Variants in XKR4 observed in about 807,000 individuals in gnomAD.
The protein encoded by XKR4 is XK-related protein 4.
Under a neutral mutation model 53.9 loss-of-function variants are expected in XKR4, and 12 were observed. The ratio of observed to expected loss-of-function variants is 0.22; its 90% CI spans 0.14 to 0.36. The LOEUF (loss-of-function observed/expected upper bound fraction) is 0.36, where lower values mean the gene tolerates loss of function less well. XKR4 is among the 10% of genes least tolerant of loss of function. The pLI is 1.00. For synonymous variants in XKR4, 354 were observed against 362.4 expected, an observed-to-expected ratio of 0.98 and a Z score of 0.26; for missense variants, 799 against 859.5, an observed-to-expected ratio of 0.93 and a Z score of 0.88.
At chr8:55,207,296 C>T (rs1000670535) in intron 1 of XKR4, among the ~76,000 whole-genome samples, 2 of 152,176 alleles carry the variant, frequency 1.3e-5, no homozygotes, top group South Asian at 4.1e-4. Context: ...GTTCCTCCCA[C>T]AGTGGGACAT....
At chr8:55,314,603 A>G (rs1819437082) in intron 1 of XKR4, among the ~76,000 whole-genome samples, 1 of 152,208 alleles carries the variant, frequency 6.6e-6, no homozygotes, top group Non-Finnish European at 1.5e-5. Flanking sequence ...AAGGAGAAAT[A>G]CTTTTCTTTA....
At chr8:55,357,483 G>A (rs1382176040) in intron 1 of XKR4, among the ~76,000 whole-genome samples, 195 bp from the exon 2 acceptor site, 1 of 152,160 alleles carries the variant, frequency 6.6e-6, no homozygotes, top group Admixed American at 6.6e-5. Flanking sequence ...AAATTGCAGT[G>A]ACTTCTCAAA....
chr8:55,125,111 A>G (rs146329867), intron 1 of XKR4, among the ~76,000 whole-genome samples: 263 of 152,386 alleles, frequency 1.7e-3, no homozygotes, highest in African/African-American at 5.9e-3. Flanking sequence ...GGTAGAAGTA[A>G]GTATAACAGA....
At chr8:55,160,211 G>A (rs1031403217) in intron 1 of XKR4, among the ~76,000 whole-genome samples, 2 of 152,200 alleles carry the variant, frequency 1.3e-5, no homozygotes, top group Admixed American at 1.3e-4. Flanking sequence ...TCAGCTCATG[G>A]GTGCAGCCCT....
At chr8:55,158,492 C>T (rs1377495638) in intron 1 of XKR4, among the ~76,000 whole-genome samples, 26 of 152,080 alleles carry the variant, frequency 1.7e-4, no homozygotes, top group Non-Finnish European at 1.9e-4. Flanking sequence ...TGCAGAAGCT[C>T]GTTAGTTTAA....
chr8:55,253,100 CTT>C (rs1818383126), intron 1 of XKR4, among the ~76,000 whole-genome samples: 1 of 152,146 alleles, frequency 6.6e-6, no homozygotes, highest in South Asian at 2.1e-4. Context: ...ATTTTACCTG[CTT>C]TGTTGAAGAG....
intron 1 of XKR4, among the ~76,000 whole-genome samples, chr8:55,245,239 C>T (rs1818269517): frequency 6.6e-6 from 1 of 151,914 alleles, no homozygotes; most frequent in South Asian, 2.1e-4. Flanking sequence ...TTGTTTTTTG[C>T]TTGCTAGTTG....
chr8:55,266,442 C>T (rs372147181), intron 1 of XKR4, among the ~76,000 whole-genome samples: 5 of 151,830 alleles, frequency 3.3e-5, no homozygotes, highest in Admixed American at 6.6e-5. Context: ...ATTTAATCTG[C>T]GAAGAGGGTA....
rs199843408 is a variant in XKR4, at chr8:55,210,805, G to C, written c.806+107511G>C. Among the ~76,000 whole-genome samples the C allele has an allele frequency of 2.6e-5, 4 of 152,302 alleles. No homozygotes were observed. In the East Asian group the frequency reaches 7.7e-4, roughly 29 times the overall value. On this transcript the variant is annotated intron_variant, in intron 1 of 2. Transcript: ENST00000327381. The stretch of plus-strand genomic sequence containing the variant: ...GCCAATTCACAGTTTGGATACAGAG[G>C]CTTTTATAAGAAATTGACAGGGGGC...
chr8:55,520,178 GTTGTGAAT>G (rs1312646070), intron 2 of XKR4, among the ~76,000 whole-genome samples: 2 of 152,208 alleles, frequency 1.3e-5, no homozygotes, highest in African/African-American at 4.8e-5. Flanking sequence ...TTCTGTGGCA[GTTGTGAAT>G]TTGTGAAGTT....
chr8:55,350,984 A>G (rs932444779), intron 1 of XKR4, among the ~76,000 whole-genome samples: 5 of 151,332 alleles, frequency 3.3e-5, no homozygotes, highest in Admixed American at 1.3e-4. Context: ...CAAGTGATCC[A>G]CCCACCTTGG....
At chr8:55,233,138 G>A (rs1305151848) in intron 1 of XKR4, among the ~76,000 whole-genome samples, 2 of 152,164 alleles carry the variant, frequency 1.3e-5, no homozygotes, top group Non-Finnish European at 2.9e-5. Flanking sequence ...CAATTGAAAG[G>A]GGGAATTCAT....
In XKR4 at chr8:55,540,985, G is replaced by A. The variant is rs1807093148; in HGVS notation, c.*16758G>A. 1 of 152,118 alleles carries A rather than the reference G, an allele frequency of 6.6e-6. No individual in the cohort carries two copies. 9.4% of individuals were successfully genotyped at this position (152,118 alleles called of 1,614,324 possible). A position where few individuals can be genotyped will look rare whatever the true frequency, so the allele number is the denominator to read the frequency against. ...ATTAATAACATCTAATAGAAAAATA[G>A]AAACATCGTGCTTAGCATGAAACCA... On this transcript the variant is annotated 3_prime_UTR_variant, in exon 3 of 3. Transcript: ENST00000327381.
intron 1 of XKR4, among the ~76,000 whole-genome samples, chr8:55,111,601 A>G (rs890282317): frequency 5.9e-5 from 9 of 152,216 alleles, no homozygotes; most frequent in African/African-American, 2.2e-4. Context: ...ATAATCAAAT[A>G]AAACAATTTT....
Position 55,172,275 on chromosome 8 carries a change from C to T in XKR4, c.806+68981C>T, listed in dbSNP as rs138133222. On this transcript the variant is annotated intron_variant, in intron 1 of 2. Coordinates refer to ENST00000327381, the MANE Select transcript of XKR4 (RefSeq NM_052898.2). ...ATATAGGCCTTAGGAAGCTACTCACCTTTTCTCTGCCTCAGTTTCCTCATC... is the reference window on the plus strand; with the variant it reads ...ATATAGGCCTTAGGAAGCTACTCACTTTTTCTCTGCCTCAGTTTCCTCATC... Among the ~76,000 whole-genome samples the T allele has an allele frequency of 1.5e-3, 228 of 151,926 alleles. 2 individuals carry two copies. The highest frequency in any genetic ancestry group is 5.2e-3 in the African/African-American group (217 of 41,458).
At chr8:55,382,024 TC>T (rs1487095044) in intron 2 of XKR4, among the ~76,000 whole-genome samples, 6 of 152,196 alleles carry the variant, frequency 3.9e-5, no homozygotes, top group Non-Finnish European at 7.4e-5. Context: ...CTAAAGCTTC[TC>T]CCAAAAAATT....
At chr8:55,191,699 T>G (rs570448949) in intron 1 of XKR4, among the ~76,000 whole-genome samples, 401 of 151,476 alleles carry the variant, frequency 2.6e-3, no homozygotes, top group African/African-American at 8.6e-3. Flanking sequence ...TTTTTTTTTT[T>G]GGGAGTTTCA....
chr8:55,430,374 A>G (rs376445398), intron 2 of XKR4, among the ~76,000 whole-genome samples: 3 of 152,224 alleles, frequency 2.0e-5, no homozygotes, highest in East Asian at 3.8e-4. Flanking sequence ...CTTTATTTGT[A>G]ATACCCCAAA....
At chr8:55,264,946 T>C (rs1350601649) in intron 1 of XKR4, among the ~76,000 whole-genome samples, 1 of 152,232 alleles carries the variant, frequency 6.6e-6, no homozygotes, top group Non-Finnish European at 1.5e-5. Flanking sequence ...AAAAAGTCTC[T>C]TCTAGCTGCT....
Sources: gnomAD v4.1 joint callset for allele counts (sites outside exome capture counted in the v4.1 genomes callset) on GRCh38, gnomAD v4.1.1 for gene constraint, MANE v1.5 for transcripts, NCBI Gene and HGNC (gene_info 2026-07-23, HGNC 2026-07-21) for gene names.